The following KIAA1217 variants were observed in gnomAD, a reference collection of about 807,000 sequenced individuals.
KIAA1217 encodes the protein KIAA1217.
KIAA1217 carries 88 observed loss-of-function variants against 163.9 expected under a neutral mutation model. The ratio of observed to expected loss-of-function variants is 0.54; its 90% CI spans 0.45 to 0.64. The LOEUF is 0.64. Among genes scored for constraint, KIAA1217 ranks in the 30% least tolerant of loss-of-function variants. The probability of loss-of-function intolerance (pLI) is 0.00; values close to 1 mark genes in which losing one functional copy is unlikely to be tolerated. For missense variants in KIAA1217, 2,372 were observed against 2,475.0 expected (o/e 0.96, Z 0.88); for synonymous variants, 903 against 923.1 (o/e 0.98, Z 0.39).
intron 1 of KIAA1217, among the ~76,000 whole-genome samples, chr10:23,887,489 T>C (rs1349327461): frequency 6.6e-6 from 1 of 151,896 alleles, no homozygotes; most frequent in Non-Finnish European, 1.5e-5. Flanking sequence ...CACATCTCTG[T>C]CCTGAGGGCT....
At chr10:23,881,156 GTC>G (rs1840933321) in intron 1 of KIAA1217, among the ~76,000 whole-genome samples, 1 of 151,458 alleles carries the variant, frequency 6.6e-6, no homozygotes. Context: ...TGAAGAAAGT[GTC>G]TGTTTCGATG....
chr10:24,504,921 C>T (rs190423702), intron 9 of KIAA1217, among the ~76,000 whole-genome samples: 6 of 152,282 alleles, frequency 3.9e-5, no homozygotes, highest in Non-Finnish European at 8.8e-5. Flanking sequence ...TTCATGTTAT[C>T]TTCTGCTCTC....
intron 1 of KIAA1217, among the ~76,000 whole-genome samples, chr10:23,873,688 T>TGTTTCTC (rs768505298): frequency 1.2e-4 from 16 of 130,410 alleles, no homozygotes; most frequent in African/African-American, 5.3e-4. Flanking sequence ...AGTTGTCTGT[T>TGTTTCTC]TCTCTCTCTC....
intron 1 of KIAA1217, among the ~76,000 whole-genome samples, chr10:23,800,420 G>A (rs1836415736): frequency 2.0e-5 from 3 of 152,032 alleles, no homozygotes. Flanking sequence ...TTTCGCTGGA[G>A]CTGGACCTGA....
rs1029267449 is a variant in KIAA1217 at position 24,089,567 on chromosome 10, G to T, written c.-171+82193G>T. On this transcript the variant is annotated intron_variant, in intron 2 of 18. Coordinates refer to the KIAA1217 transcript ENST00000376462. ...TTAAATAGGGAATCCTTTCCCCATTGCTTGTTTTTGTCAGGTTTGTCAAAG... is the reference window on the plus strand; with the variant it reads ...TTAAATAGGGAATCCTTTCCCCATTTCTTGTTTTTGTCAGGTTTGTCAAAG... Among the ~76,000 whole-genome samples, 3 of 151,404 alleles carry T rather than the reference G, an allele frequency of 2.0e-5. 1 individual carries two copies. Among genetic ancestry groups the T allele is most frequent in the African/African-American group, 4.9e-5 (2 of 41,018 alleles).
intron 2 of KIAA1217, among the ~76,000 whole-genome samples, chr10:24,105,192 A>G (rs1374585381): frequency 6.6e-6 from 1 of 152,186 alleles, no homozygotes; most frequent in African/African-American, 2.4e-5. Context: ...CTAGCGACTC[A>G]CAGAGGCAAA....
intron 1 of KIAA1217, among the ~76,000 whole-genome samples, chr10:23,716,288 A>G: frequency 6.6e-6 from 1 of 152,176 alleles, no homozygotes. Flanking sequence ...TGATTTACAT[A>G]TAGGGCTTAA....
intron 2 of KIAA1217, among the ~76,000 whole-genome samples, chr10:24,309,357 C>A (rs2042410654): frequency 1.3e-5 from 2 of 150,548 alleles, no homozygotes; most frequent in African/African-American, 4.9e-5. Flanking sequence ...CGCGCACACA[C>A]ACACACACAC....
intron 1 of KIAA1217, among the ~76,000 whole-genome samples, chr10:23,823,598 G>C (rs754941686): frequency 3.3e-5 from 5 of 152,154 alleles, no homozygotes; most frequent in Non-Finnish European, 5.9e-5. Flanking sequence ...CATATTCATA[G>C]GTTCCAGGGA....
chr10:24,312,834 G>A (rs903786752), intron 2 of KIAA1217, among the ~76,000 whole-genome samples: 1 of 151,954 alleles, frequency 6.6e-6, no homozygotes, highest in Admixed American at 6.6e-5. Flanking sequence ...AGGATCACTT[G>A]AGACTGAGGA....
chr10:24,398,114 A>G (rs2056071077), intron 3 of KIAA1217, among the ~76,000 whole-genome samples: 1 of 152,254 alleles, frequency 6.6e-6, no homozygotes, highest in Admixed American at 6.5e-5. Flanking sequence ...ATAGCCTACC[A>G]TTGAGCAGAA....
At chr10:23,886,113 C>G (rs995884223) in intron 1 of KIAA1217, among the ~76,000 whole-genome samples, 1 of 151,844 alleles carries the variant, frequency 6.6e-6, no homozygotes, top group Non-Finnish European at 1.5e-5. Context: ...GTAGGGTCTG[C>G]AGCTGTTAGT....
intron 3 of KIAA1217, among the ~76,000 whole-genome samples, chr10:24,432,398 G>A (rs996727994): frequency 7.9e-5 from 12 of 151,862 alleles, no homozygotes; most frequent in African/African-American, 2.7e-4. Flanking sequence ...GATTACAGGC[G>A]TGAGTTACCG....
chr10:23,773,394 C>T (rs1005099236), intron 1 of KIAA1217, among the ~76,000 whole-genome samples: 11 of 151,558 alleles, frequency 7.3e-5, no homozygotes, highest in African/African-American at 1.5e-4. Context: ...AGTCAGGTAG[C>T]GTGATGCCTC....
Position 24,261,775 on chromosome 10 carries a change from A to G in KIAA1217, c.354+41866A>G, listed in dbSNP as rs141652225. On this transcript the variant is annotated intron_variant, in intron 2 of 20. Coordinates refer to ENST00000376454, the MANE Select transcript of KIAA1217 (RefSeq NM_019590.5). The stretch of plus-strand genomic sequence containing the variant: ...GGTGCAGGGTCACTGATGACTGGGA[A>G]GAGTTGTAGGTCCTGCCACCATCTA... Among the ~76,000 whole-genome samples the G allele has an allele frequency of 9.9e-4, 150 of 152,282 alleles. 1 individual carries two copies. The highest frequency in any genetic ancestry group is 3.0e-3 in the African/African-American group (125 of 41,542).
intron 3 of KIAA1217, among the ~76,000 whole-genome samples, chr10:24,432,078 A>G (rs1474436524): frequency 6.6e-6 from 1 of 151,538 alleles, no homozygotes; most frequent in East Asian, 1.9e-4. Flanking sequence ...CTATGAGGTC[A>G]GATTTCTAAA....
intron 2 of KIAA1217, among the ~76,000 whole-genome samples, chr10:24,347,611 A>G (rs2047951773): frequency 6.6e-6 from 1 of 152,178 alleles, no homozygotes; most frequent in Non-Finnish European, 1.5e-5. Context: ...TTGTTTTCAT[A>G]GCTGGGGATT....
At chr10:23,787,999 G>A (rs1835571920) in intron 1 of KIAA1217, among the ~76,000 whole-genome samples, 1 of 152,056 alleles carries the variant, frequency 6.6e-6, no homozygotes, top group South Asian at 2.1e-4. Context: ...GTTCAGGCCA[G>A]CTTGGGCAAC....
upstream of KIAA1217, among the ~76,000 whole-genome samples, chr10:24,204,652 T>C (rs2067449153): frequency 2.0e-5 from 3 of 151,788 alleles, no homozygotes; most frequent in Non-Finnish European, 1.5e-5. Context: ...TGTCTTATTG[T>C]CCAGTTGTAA....
Sources: gnomAD v4.1 joint callset for allele counts (sites outside exome capture counted in the v4.1 genomes callset) on GRCh38, gnomAD v4.1.1 for gene constraint, MANE v1.5 for transcripts, NCBI Gene and HGNC (gene_info 2026-07-23, HGNC 2026-07-21) for gene names.